PPP1R37: variants seen among roughly 807,000 people sequenced by gnomAD.
PPP1R37 encodes leucine rich repeat containing 68.
In PPP1R37, 21 loss-of-function variants were observed where a neutral mutation model predicts 61.0. The observed-to-expected ratio is 0.34, with a 90% CI of 0.24 to 0.50. PPP1R37 has a LOEUF of 0.50. Among genes scored for constraint, PPP1R37 ranks in the 20% least tolerant of loss-of-function variants. The probability of loss-of-function intolerance (pLI) is 0.98; values close to 1 mark genes in which losing one functional copy is unlikely to be tolerated. For synonymous variants in PPP1R37, 443 were observed against 433.5 expected (o/e 1.02, Z -0.27); for missense variants, 910 against 952.7 (o/e 0.96, Z 0.59).
chr19:45,129,775 C>T (rs1296524760), intron 1 of PPP1R37, among the ~76,000 whole-genome samples: 1 of 152,210 alleles, frequency 6.6e-6, no homozygotes, highest in African/African-American at 2.4e-5. Flanking sequence ...TCCCCAAACC[C>T]CTTTAGATGG....
intron 1 of PPP1R37, 108 bp downstream of exon 1, chr19:45,093,635 G>A (rs1672159146): frequency 1.4e-6 from 1 of 734,816 alleles, no homozygotes; most frequent in Non-Finnish European, 2.2e-6. Flanking sequence ...GCACCTAATG[G>A]TGAATAAGGG....
chr19:45,138,367 A>G, intron 1 of PPP1R37, 147 bp from the exon 2 acceptor site: 1 of 624,214 alleles, frequency 1.6e-6, no homozygotes, highest in Non-Finnish European at 2.8e-6. Context: ...GGGGGGCCTG[A>G]AAGGGAGGAC....
intron 1 of PPP1R37, among the ~76,000 whole-genome samples, chr19:45,120,750 T>G (rs1968332205): frequency 6.6e-6 from 1 of 152,102 alleles, no homozygotes; most frequent in Non-Finnish European, 1.5e-5. Context: ...GTAGCTGGGA[T>G]TATAGGCACC....
chr19:45,112,255 A>G (rs369374822), intron 1 of PPP1R37, among the ~76,000 whole-genome samples: 1 of 111,170 alleles, frequency 9.0e-6, no homozygotes, highest in Non-Finnish European at 2.1e-5. Context: ...GATTACAGGC[A>G]TGGATTCCTT....
chr19:45,139,551 G>A (rs746569848), intron 2 of PPP1R37, among the ~76,000 whole-genome samples: 2 of 150,050 alleles, frequency 1.3e-5, no homozygotes, highest in Admixed American at 6.6e-5. Flanking sequence ...GCCTGTCCTC[G>A]GGCTGTTGTA....
chr19:45,093,758 G>A (rs923580573), intron 1 of PPP1R37, among the ~76,000 whole-genome samples: 18 of 152,220 alleles, frequency 1.2e-4, no homozygotes, highest in Non-Finnish European at 2.2e-4. Context: ...CAAAGATGGT[G>A]ATCGTTTTAG....
intron 5 of PPP1R37, among the ~76,000 whole-genome samples, chr19:45,141,678 C>G (rs10422671): frequency 6.6e-6 from 1 of 152,180 alleles, no homozygotes; most frequent in African/African-American, 2.4e-5. Context: ...TTCTCCCTTC[C>G]GTAATGTCAT....
chr19:45,104,592 C>G (rs1230562799), intron 1 of PPP1R37, among the ~76,000 whole-genome samples: 3 of 152,194 alleles, frequency 2.0e-5, no homozygotes, highest in African/African-American at 7.2e-5. Context: ...CTCTCCTGCT[C>G]CCTCTCCAAC....
At chr19:45,103,921 C>T (rs1488055001) in intron 1 of PPP1R37, among the ~76,000 whole-genome samples, 2 of 152,104 alleles carry the variant, frequency 1.3e-5, no homozygotes, top group Non-Finnish European at 2.9e-5. Flanking sequence ...CCCCAGGGCT[C>T]CACTGTAACT....
chr19:45,101,924 C>T (rs1345710749), intron 1 of PPP1R37, among the ~76,000 whole-genome samples: 2 of 152,346 alleles, frequency 1.3e-5, no homozygotes, highest in African/African-American at 2.4e-5. Flanking sequence ...GTCCTCCCCT[C>T]CACCAGCAGG....
chr19:45,112,298 A>G (rs79140162), intron 1 of PPP1R37, among the ~76,000 whole-genome samples: 53 of 151,786 alleles, frequency 3.5e-4, no homozygotes, highest in South Asian at 1.3e-3. Context: ...CTGGGATGAC[A>G]GGCGTGGGAT....
In PPP1R37 at chr19:45,145,491, G is replaced by A. The variant is rs1345295659; in HGVS notation, c.1435G>A (p.Ala479Thr). The A allele has an allele frequency of 5.2e-6, 8 of 1,534,522 alleles. No homozygotes were observed. Among genetic ancestry groups the A allele is most frequent in the South Asian group, 1.2e-5 (1 of 83,982 alleles). ...QLSASMPETT[A>T]TEPQPDDEPA... ...GTCGGCCTCCATGCCTGAGACCACC[G>A]CCACCGAGCCCCAGCCCGACGACGA... The change falls in exon 11 of 13, where the codon GCC becomes ACC. Residue 479 changes from alanine to threonine, a missense_variant. Ala to Thr is a moderately conservative substitution (Grantham distance 58). This residue lies in a region of PPP1R37 where 549 missense variants were observed against 505.1 expected (regional missense o/e 1.09). Transcript: ENST00000221462.
chr19:45,117,222 CT>C (rs1350827969), intron 1 of PPP1R37, among the ~76,000 whole-genome samples: 1 of 152,160 alleles, frequency 6.6e-6, no homozygotes, highest in East Asian at 1.9e-4. Context: ...CAGGAGGTGA[CT>C]TTCGAGTTGA....
At chr19:45,115,181 G>T (rs949530397) in intron 1 of PPP1R37, among the ~76,000 whole-genome samples, 9 of 152,160 alleles carry the variant, frequency 5.9e-5, no homozygotes, top group Non-Finnish European at 1.3e-4. Context: ...TGGCCAACCA[G>T]CAGACAGCAC....
intron 1 of PPP1R37, among the ~76,000 whole-genome samples, chr19:45,134,539 C>A (rs1968515438): frequency 6.7e-6 from 1 of 149,528 alleles, no homozygotes; most frequent in Admixed American, 6.7e-5. Context: ...TTTGTAAAAT[C>A]TTAGTTTTGG....
At chr19:45,107,966 A>G (rs1318123331) in intron 1 of PPP1R37, among the ~76,000 whole-genome samples, 1 of 152,158 alleles carries the variant, frequency 6.6e-6, no homozygotes, top group Non-Finnish European at 1.5e-5. Context: ...AGTTGCATAG[A>G]TAATGCAGTG....
intron 1 of PPP1R37, among the ~76,000 whole-genome samples, chr19:45,134,231 T>C (rs1475502639): frequency 6.6e-6 from 1 of 152,184 alleles, no homozygotes; most frequent in Non-Finnish European, 1.5e-5. Flanking sequence ...CTCAAACTCT[T>C]GGCCTAAAGC....
chr19:45,099,813 A>T (rs1968039729), intron 1 of PPP1R37, among the ~76,000 whole-genome samples: 1 of 152,212 alleles, frequency 6.6e-6, no homozygotes, highest in Non-Finnish European at 1.5e-5. Flanking sequence ...ATTTACAGGA[A>T]ACTTTTTTTG....
intron 1 of PPP1R37, among the ~76,000 whole-genome samples, chr19:45,133,320 A>T (rs577610015): frequency 6.6e-6 from 1 of 152,094 alleles, no homozygotes; most frequent in Non-Finnish European, 1.5e-5. Flanking sequence ...CTGGCCTCAG[A>T]TGATCTGCCC....
Sources: gnomAD v4.1 joint callset for allele counts (sites outside exome capture counted in the v4.1 genomes callset) on GRCh38, gnomAD v4.1.1 for gene constraint, gnomAD v4.1.1 regional missense constraint, MANE v1.5 for transcripts, NCBI Gene and HGNC (gene_info 2026-07-23, HGNC 2026-07-21) for gene names.